PDE4D: variants seen among roughly 807,000 people sequenced by gnomAD.
The protein encoded by PDE4D is phosphodiesterase 4D.
In PDE4D, 24 loss-of-function variants were observed where a neutral mutation model predicts 87.4. The ratio of observed to expected loss-of-function variants is 0.27; its 90% confidence interval spans 0.20 to 0.39. The LOEUF (loss-of-function observed/expected upper bound fraction) is 0.39. Among genes scored for constraint, PDE4D ranks in the 10% least tolerant of loss-of-function variants. The pLI is 1.00. For missense variants in PDE4D, 714 were observed against 1,041.0 expected (o/e 0.69, Z 4.32); for synonymous variants, 384 against 383.2 (o/e 1.00, Z -0.02).
intron 5 of PDE4D, among the ~76,000 whole-genome samples, chr5:59,172,597 A>G (rs1783187632): frequency 6.6e-6 from 1 of 151,428 alleles, no homozygotes; most frequent in Non-Finnish European, 1.5e-5. Flanking sequence ...AGTCCCAGCT[A>G]CTCAGGAGGC....
rs192566627 is a variant in PDE4D, at chr5:60,063,235, G to C, written c.43-74518C>G. Among the ~76,000 whole-genome samples, 5 of 152,142 alleles carry C rather than the reference G, an allele frequency of 3.3e-5. No individual in the cohort carries two copies. In the South Asian group the frequency reaches 1.0e-3, roughly 32 times the overall value. ...GGGAGAAAGGAAGAACCTCAATACA[G>C]GAATATATTTATGTAAACATTAGGA... On this transcript the variant is annotated intron_variant, in intron 2 of 16. Transcript: ENST00000502484.
At position 60,460,057 on chromosome 5, in the gene PDE4D, A is replaced by G. The variant is rs184583904; in HGVS notation, c.-90+27885T>C. The G allele has an allele frequency of 8.7e-5, 136 of 1,562,552 alleles. No individual in the cohort carries two copies. The Admixed American group carries it at 1.5e-3, about 18-fold the overall frequency. On this transcript the variant is annotated intron_variant, in intron 1 of 16. Coordinates refer to the PDE4D transcript ENST00000502484. ...GTTTGACCAAATATCATCTTTGGTG[A>G]CCTCTCATAACTCATCAGCACCTGC...
intron 1 of PDE4D, among the ~76,000 whole-genome samples, chr5:59,851,777 C>A (rs114170276): frequency 6.6e-6 from 1 of 151,908 alleles, no homozygotes; most frequent in Admixed American, 6.6e-5. Flanking sequence ...AAGAGGGTTA[C>A]GCAGTACAGA....
At chr5:59,054,055 G>A (rs16889129) in intron 5 of PDE4D, among the ~76,000 whole-genome samples, 27,515 of 151,790 alleles carry the variant, frequency 0.18, 3,454 homozygotes, top group East Asian at 0.72. Context: ...GGGTATTTAG[G>A]TGCTACATGC....
chr5:59,045,370 A>G (rs1347795781), intron 5 of PDE4D, among the ~76,000 whole-genome samples: 3 of 152,102 alleles, frequency 2.0e-5, no homozygotes, highest in Admixed American at 2.0e-4. Context: ...CCTGATCCAC[A>G]TGGAGAAACC....
At chr5:59,806,136 G>A (rs1157095033) in intron 1 of PDE4D, among the ~76,000 whole-genome samples, 3 of 152,192 alleles carry the variant, frequency 2.0e-5, no homozygotes, top group Non-Finnish European at 4.4e-5. Context: ...CATGCTAACA[G>A]GCAGGTCAGA....
In PDE4D at chr5:59,399,931, C is replaced by G. The variant is rs1790264941; in HGVS notation, c.456-183963G>C. ...TCAAAAAGTGGGCGAAGGACATGAA[C>G]AGACACTTCTCAAAAGAAGACATTT... On this transcript the variant is annotated intron_variant, in intron 1 of 14. Coordinates refer to ENST00000340635, the MANE Select transcript of PDE4D (RefSeq NM_001104631.2). Among the ~76,000 whole-genome samples, 2 of 113,790 alleles carry G rather than the reference C, an allele frequency of 1.8e-5. 1 individual carries two copies. The highest frequency in any genetic ancestry group is 7.4e-5 in the African/African-American group (2 of 27,050). 74.7% of individuals were successfully genotyped at this position (113,790 alleles called of 152,430 possible). A position where few individuals can be genotyped will look rare whatever the true frequency, so the allele number is the denominator to read the frequency against.
At chr5:59,709,230 A>G (rs1753868201) in intron 1 of PDE4D, among the ~76,000 whole-genome samples, 1 of 152,174 alleles carries the variant, frequency 6.6e-6, no homozygotes, top group South Asian at 2.1e-4. Context: ...AAAGTGTTTA[A>G]TACTTTCAGC....
chr5:60,207,836 C>T (rs745443653), intron 1 of PDE4D, among the ~76,000 whole-genome samples: 1 of 152,132 alleles, frequency 6.6e-6, no homozygotes, highest in Admixed American at 6.5e-5. Context: ...TCAGTGTGAT[C>T]GACATAGACC....
chr5:59,652,437 A>C (rs976793566), intron 1 of PDE4D, among the ~76,000 whole-genome samples: 1 of 152,208 alleles, frequency 6.6e-6, no homozygotes, highest in African/African-American at 2.4e-5. Context: ...ATCAGCCTAG[A>C]TTCTTTGCTT....
At chr5:59,235,661 T>C (rs77408647) in intron 1 of PDE4D, among the ~76,000 whole-genome samples, 1,545 of 152,328 alleles carry the variant, frequency 0.01, 32 homozygotes, top group African/African-American at 0.034. Flanking sequence ...GAGCACTCAC[T>C]AGAAATATTC....
At chr5:60,225,162 A>G (rs1744941751) in intron 1 of PDE4D, among the ~76,000 whole-genome samples, 1 of 151,876 alleles carries the variant, frequency 6.6e-6, no homozygotes, top group Admixed American at 6.6e-5. Flanking sequence ...CTTTTCAGGG[A>G]CCAACATCTG....
At chr5:59,916,690 G>A (rs1754079065) in intron 3 of PDE4D, among the ~76,000 whole-genome samples, 2 of 152,224 alleles carry the variant, frequency 1.3e-5, no homozygotes, top group Admixed American at 6.5e-5. Flanking sequence ...TTTAAGAGAT[G>A]GTTCTAGATA....
intron 1 of PDE4D, among the ~76,000 whole-genome samples, chr5:59,310,288 C>T (rs1173379704): frequency 6.6e-6 from 1 of 152,160 alleles, no homozygotes; most frequent in Non-Finnish European, 1.5e-5. Context: ...ATGCTGGCCA[C>T]ACTGTCTGTC....
At chr5:60,320,079 G>A (rs1385023181) in intron 1 of PDE4D, among the ~76,000 whole-genome samples, 2 of 152,236 alleles carry the variant, frequency 1.3e-5, no homozygotes, top group African/African-American at 2.4e-5. Flanking sequence ...TGCCCCCAGA[G>A]GTGTAGTCTA....
intron 1 of PDE4D, among the ~76,000 whole-genome samples, chr5:60,187,804 C>A (rs1364212339): frequency 1.3e-5 from 2 of 152,132 alleles, no homozygotes; most frequent in Non-Finnish European, 2.9e-5. Context: ...GACTTTGGAA[C>A]CAAATAGGTA....
chr5:59,499,363 A>C lies in PDE4D; in HGVS notation c.456-283395T>G, dbSNP rs565972837. Reference sequence around the variant, plus strand: ...AATCGCACCTAAAAAAAAAAAAAAAACAGAAAAACAAGAACAAAACTAAAC... The same window carrying C: ...AATCGCACCTAAAAAAAAAAAAAAACCAGAAAAACAAGAACAAAACTAAAC... On this transcript the variant is annotated intron_variant, in intron 1 of 14. Transcript: ENST00000340635. Among the ~76,000 whole-genome samples the C allele has an allele frequency of 4.8e-3, 653 of 136,204 alleles. 3 individuals are homozygous for C. Among genetic ancestry groups the C allele is most frequent in the African/African-American group, 0.016 (601 of 37,606 alleles). 89.4% of individuals were successfully genotyped at this position (136,204 alleles called of 152,430 possible).
At chr5:60,043,104 G>A (rs924387808) in intron 2 of PDE4D, among the ~76,000 whole-genome samples, 1 of 151,780 alleles carries the variant, frequency 6.6e-6, no homozygotes, top group African/African-American at 2.4e-5. Context: ...GAATATAAAC[G>A]ACCTGATGGA....
intron 2 of PDE4D, among the ~76,000 whole-genome samples, chr5:60,105,138 T>G (rs1426619635): frequency 6.6e-6 from 1 of 152,088 alleles, no homozygotes; most frequent in African/African-American, 2.4e-5. Context: ...AACGTATAGC[T>G]AGAATAACCA....
Sources: gnomAD v4.1 joint callset for allele counts (sites outside exome capture counted in the v4.1 genomes callset) on GRCh38, gnomAD v4.1.1 for gene constraint, MANE v1.5 for transcripts, NCBI Gene and HGNC (gene_info 2026-07-23, HGNC 2026-07-21) for gene names.